Variants in ITGBL1 observed in about 807,000 individuals in gnomAD.
ITGBL1 encodes integrin subunit beta like 1, also known as integrin beta-like protein 1.
A neutral mutation model predicts 68.5 loss-of-function variants in ITGBL1; 51 were observed. The ratio of observed to expected loss-of-function variants is 0.74; its 90% CI spans 0.59 to 0.94. The LOEUF is 0.94. Ranked by LOEUF, ITGBL1 falls within the 40% of genes least tolerant of loss-of-function variation. The pLI, the probability that ITGBL1 is intolerant of heterozygous loss-of-function variation, is 0.00. For missense variants in ITGBL1, 649 were observed against 647.4 expected, an observed-to-expected ratio of 1.00 and a Z score of -0.03; for synonymous variants, 209 against 227.3, an observed-to-expected ratio of 0.92 and a Z score of 0.72.
At chr13:101,595,424 G>A (rs2029901236) in intron 6 of ITGBL1, among the ~76,000 whole-genome samples, 1 of 152,066 alleles carries the variant, frequency 6.6e-6, no homozygotes, top group South Asian at 2.1e-4. Context: ...CCCATCTCTA[G>A]TTTTGGGGAT....
chr13:101,471,408 T>C (rs1002323115), intron 2 of ITGBL1, among the ~76,000 whole-genome samples: 9 of 152,348 alleles, frequency 5.9e-5, no homozygotes, highest in Admixed American at 3.3e-4. Flanking sequence ...TCTGATTTTC[T>C]GTAAGATTTT....
chr13:101,613,482 T>C (rs1348077401), intron 7 of ITGBL1, among the ~76,000 whole-genome samples: 1 of 151,952 alleles, frequency 6.6e-6, no homozygotes, highest in African/African-American at 2.4e-5. Context: ...CAAGAGAATA[T>C]AAGAGAGTGG....
intron 7 of ITGBL1, among the ~76,000 whole-genome samples, chr13:101,681,974 C>A (rs2033654507): frequency 6.6e-6 from 1 of 152,140 alleles, no homozygotes; most frequent in Non-Finnish European, 1.5e-5. Context: ...ACAATCTTTA[C>A]CTTATACCAG....
intron 7 of ITGBL1, among the ~76,000 whole-genome samples, chr13:101,606,809 C>T (rs1276761916): frequency 1.3e-5 from 2 of 151,974 alleles, no homozygotes; most frequent in African/African-American, 2.4e-5. Flanking sequence ...GAGAAAGAAA[C>T]ACCTGTTGTT....
At chr13:101,563,488 T>G (rs1457405413) in intron 2 of ITGBL1, among the ~76,000 whole-genome samples, 1 of 151,790 alleles carries the variant, frequency 6.6e-6, no homozygotes, top group African/African-American at 2.4e-5. Context: ...ACTATGCATG[T>G]TAAAAAGATA....
chr13:101,508,618 G>C (rs1566707384), intron 2 of ITGBL1, among the ~76,000 whole-genome samples: 1 of 151,872 alleles, frequency 6.6e-6, no homozygotes, highest in African/African-American at 2.4e-5. Flanking sequence ...TAAATATTAA[G>C]TTTTATTATA....
At chr13:101,588,875 T>C (rs1270989752) in intron 6 of ITGBL1, among the ~76,000 whole-genome samples, 2 of 152,170 alleles carry the variant, frequency 1.3e-5, no homozygotes, top group Admixed American at 6.5e-5. Flanking sequence ...GAGAAACTGG[T>C]AAATTCACAA....
At chr13:101,597,139 A>T (rs918051636) in intron 6 of ITGBL1, among the ~76,000 whole-genome samples, 2 of 152,164 alleles carry the variant, frequency 1.3e-5, no homozygotes, top group Non-Finnish European at 1.5e-5. Context: ...GGAATTGTTG[A>T]TAATGGAGAA....
chr13:101,556,365 G>A (rs1443817694), intron 2 of ITGBL1, among the ~76,000 whole-genome samples: 1 of 152,272 alleles, frequency 6.6e-6, no homozygotes, highest in Non-Finnish European at 1.5e-5. Flanking sequence ...AGCTGGGCAC[G>A]GTGGCTCATG....
At chr13:101,521,633 AC>A (rs1178701733) in intron 2 of ITGBL1, among the ~76,000 whole-genome samples, 1 of 151,970 alleles carries the variant, frequency 6.6e-6, no homozygotes, top group Non-Finnish European at 1.5e-5. Context: ...CAGCTCGAAG[AC>A]CTGGACAGAA....
At chr13:101,567,582 A>G (rs1208115920) in intron 2 of ITGBL1, 117 bp from the exon 3 acceptor site, 2 of 874,424 alleles carry the variant, frequency 2.3e-6, no homozygotes, top group Non-Finnish European at 1.7e-6. Flanking sequence ...GATATACATG[A>G]GTTTCAATTT....
rs192824995 is a variant in ITGBL1 at position 101,605,864 on chromosome 13, G to C, written c.1015+7565G>C. On this transcript the variant is annotated intron_variant, in intron 7 of 10. Transcript: ENST00000376180. ...CATATACATATGTATGTGTGTATAT[G>C]TGTATATATACACATATATAGACAT... is the stretch of plus-strand genomic sequence containing the variant. Among the ~76,000 whole-genome samples the C allele has an allele frequency of 2.6e-3, 384 of 149,816 alleles. 2 individuals are homozygous for C. Among genetic ancestry groups the C allele is most frequent in the African/African-American group, 8.9e-3 (365 of 40,878 alleles).
chr13:101,640,223 A>ACTTGTTTATCACAAGTTAAAGTT (rs1172868293), intron 7 of ITGBL1, among the ~76,000 whole-genome samples: 4 of 152,226 alleles, frequency 2.6e-5, no homozygotes, highest in African/African-American at 9.6e-5. Context: ...TCAACTTATT[A>ACTTGTTTATCACAAGTTAAAGTT]CTTGTTTATC....
intron 7 of ITGBL1, among the ~76,000 whole-genome samples, chr13:101,612,277 T>C (rs991283761): frequency 6.6e-6 from 1 of 152,130 alleles, no homozygotes; most frequent in Non-Finnish European, 1.5e-5. Context: ...GTCTCTAGGG[T>C]GAAACAGCAA....
chr13:101,466,704 C>T (rs911479743), intron 2 of ITGBL1, among the ~76,000 whole-genome samples: 1 of 152,118 alleles, frequency 6.6e-6, no homozygotes, highest in African/African-American at 2.4e-5. Flanking sequence ...TTTCTGGAAA[C>T]TAAAAACAAA....
intron 2 of ITGBL1, among the ~76,000 whole-genome samples, chr13:101,484,018 C>T (rs2048665902): frequency 6.6e-6 from 1 of 151,666 alleles, no homozygotes; most frequent in Admixed American, 6.6e-5. Flanking sequence ...CATGATTTTT[C>T]TTCATCAATC....
chr13:101,683,156 C>T (rs2033680893), intron 7 of ITGBL1, among the ~76,000 whole-genome samples: 1 of 152,032 alleles, frequency 6.6e-6, no homozygotes, highest in African/African-American at 2.4e-5. Flanking sequence ...TGCCAGAATC[C>T]TAAAAGCTCC....
At chr13:101,638,396 A>G (rs1431084361) in intron 7 of ITGBL1, among the ~76,000 whole-genome samples, 2 of 151,544 alleles carry the variant, frequency 1.3e-5, no homozygotes, top group East Asian at 1.9e-4. Context: ...AGCTTGGCAC[A>G]TGTTAGGCTT....
intron 2 of ITGBL1, among the ~76,000 whole-genome samples, chr13:101,493,665 T>C (rs1462265895): frequency 1.3e-5 from 2 of 152,198 alleles, no homozygotes; most frequent in African/African-American, 4.8e-5. Context: ...TAAAGATTTA[T>C]TCCACATGCC....
Sources: gnomAD v4.1 joint callset for allele counts (sites outside exome capture counted in the v4.1 genomes callset) on GRCh38, gnomAD v4.1.1 for gene constraint, MANE v1.5 for transcripts, NCBI Gene and HGNC (gene_info 2026-07-23, HGNC 2026-07-21) for gene names.